ANO3: variants seen among roughly 807,000 people sequenced by gnomAD.
The protein encoded by ANO3 is anoctamin-3.
A neutral mutation model predicts 144.8 loss-of-function variants in ANO3; 99 were observed. The ratio of observed to expected loss-of-function variants is 0.68; its 90% confidence interval spans 0.58 to 0.81. The LOEUF is 0.81. ANO3 is among the 30% of genes least tolerant of loss of function. The probability of loss-of-function intolerance (pLI) is 0.00; values close to 1 mark genes in which losing one functional copy is unlikely to be tolerated. For synonymous variants in ANO3, 414 were observed against 392.6 expected (o/e 1.05, Z -0.64); for missense variants, 905 against 1,202.2 (o/e 0.75, Z 3.66).
chr11:26,632,145 T>C (rs1852802790), intron 18 of ANO3, among the ~76,000 whole-genome samples: 1 of 151,144 alleles, frequency 6.6e-6, no homozygotes, highest in South Asian at 2.1e-4. Context: ...TGAGCCAAGA[T>C]TGCCATGCTA....
chr11:26,394,722 C>A (rs1856965457), intron 1 of ANO3, among the ~76,000 whole-genome samples: 1 of 151,874 alleles, frequency 6.6e-6, no homozygotes, highest in South Asian at 2.1e-4. Flanking sequence ...GGATTAGAGG[C>A]ACACACCACC....
rs751331651 is a variant in ANO3, at chr11:26,534,570, C to T, written c.976+8C>T. 5.1e-6 allele frequency: 8 copies of T among 1,573,616 alleles called. No individual in the cohort carries two copies. The South Asian group carries it at 5.6e-5, about 11-fold the overall frequency. On this transcript the variant is annotated splice_region_variant and intron_variant, in intron 9 of 26. Coordinates refer to ENST00000256737, the MANE Select transcript of ANO3 (RefSeq NM_031418.4). ...ATGGAATATCAAAAGTGGGTAAGAA[C>T]ATTAATTAATAACAGAGTAGAACTT...
chr11:26,602,469 G>A (rs1851825331), intron 17 of ANO3, among the ~76,000 whole-genome samples: 1 of 152,114 alleles, frequency 6.6e-6, no homozygotes. Flanking sequence ...GCTCATGCCT[G>A]CAATCCCAAC....
chr11:26,223,142 G>T (rs967524145), intron 1 of ANO3, among the ~76,000 whole-genome samples: 11 of 150,386 alleles, frequency 7.3e-5, no homozygotes, highest in African/African-American at 2.5e-4. Flanking sequence ...TTGTTTTCTT[G>T]GTCCTGTATT....
chr11:26,310,456 G>T (rs1389398379), intron 1 of ANO3, among the ~76,000 whole-genome samples: 2 of 152,214 alleles, frequency 1.3e-5, no homozygotes, highest in African/African-American at 2.4e-5. Context: ...ACTTGCAGGA[G>T]AATTTTTTCA....
At position 26,655,522 on chromosome 11, in the gene ANO3, T is replaced by C. The variant is rs1011606455; in HGVS notation, c.2577-603T>C. Reference sequence around the variant, plus strand: ...TCCCATCTGGAAGAATTACTTCATTTTTATTTTCATAGCACTTACTGCATT... The same window carrying C: ...TCCCATCTGGAAGAATTACTTCATTCTTATTTTCATAGCACTTACTGCATT... On this transcript the variant is annotated intron_variant, in intron 24 of 26. Coordinates refer to ENST00000256737, the MANE Select transcript of ANO3 (RefSeq NM_031418.4). Among the ~76,000 whole-genome samples the C allele has an allele frequency of 2.6e-5, 4 of 152,186 alleles. No individual in the cohort carries two copies. The South Asian group carries it at 6.2e-4, about 24-fold the overall frequency.
chr11:26,465,154 G>C (rs1025325993), intron 4 of ANO3, among the ~76,000 whole-genome samples: 94 of 143,542 alleles, frequency 6.5e-4, no homozygotes, highest in African/African-American at 1.2e-3. Flanking sequence ...GTGTGTGTGT[G>C]TGTGTGTCTG....
chr11:26,286,723 G>C (rs755686451), intron 1 of ANO3, among the ~76,000 whole-genome samples: 5 of 152,072 alleles, frequency 3.3e-5, no homozygotes, highest in Non-Finnish European at 5.9e-5. Flanking sequence ...GGTGGGCTTT[G>C]GTCTCCATAC....
chr11:26,565,392 T>C (rs1565110132), intron 14 of ANO3: 1 of 1,613,224 alleles, frequency 6.2e-7, no homozygotes, highest in Admixed American at 1.7e-5. Flanking sequence ...TTTCACGGTG[T>C]CATTGACCAA....
At chr11:26,249,035 A>T (rs1443088199) in intron 1 of ANO3, among the ~76,000 whole-genome samples, 1 of 152,186 alleles carries the variant, frequency 6.6e-6, no homozygotes, top group Non-Finnish European at 1.5e-5. Flanking sequence ...GGTGTCAAAA[A>T]GGTTGGAGAC....
At chr11:26,434,920 G>A (rs776265486) in intron 1 of ANO3, among the ~76,000 whole-genome samples, 1 of 152,146 alleles carries the variant, frequency 6.6e-6, no homozygotes, top group Non-Finnish European at 1.5e-5. Context: ...GGAGAGTTCT[G>A]TAAAGATCTG....
At chr11:26,460,909 A>C (rs1859370419) in intron 3 of ANO3, among the ~76,000 whole-genome samples, 1 of 152,074 alleles carries the variant, frequency 6.6e-6, no homozygotes, top group South Asian at 2.1e-4. Flanking sequence ...AGACTTGGGA[A>C]AAGGAAATTG....
At chr11:26,572,717 TAGC>T (rs1850875855) in intron 14 of ANO3, among the ~76,000 whole-genome samples, 1 of 152,118 alleles carries the variant, frequency 6.6e-6, no homozygotes, top group African/African-American at 2.4e-5. Context: ...AGTGAATTAG[TAGC>T]ATATATTGGG....
At chr11:26,370,413 G>A (rs1324319398) in intron 1 of ANO3, among the ~76,000 whole-genome samples, 3 of 152,132 alleles carry the variant, frequency 2.0e-5, no homozygotes, top group African/African-American at 7.2e-5. Flanking sequence ...CCAGTCTCAG[G>A]TATGTCTTCA....
chr11:26,516,425 G>T (rs1338251854), intron 5 of ANO3, among the ~76,000 whole-genome samples: 1 of 151,780 alleles, frequency 6.6e-6, no homozygotes, highest in South Asian at 2.1e-4. Flanking sequence ...AGAAAAATTA[G>T]TGAACTAGTT....
intron 1 of ANO3, among the ~76,000 whole-genome samples, chr11:26,438,317 C>A (rs1299268136): frequency 1.3e-5 from 2 of 151,996 alleles, no homozygotes; most frequent in Non-Finnish European, 2.9e-5. Flanking sequence ...AAATTAAGAA[C>A]TTCTGCTTTT....
chr11:26,211,356 C>T (rs1851928269), intron 1 of ANO3, among the ~76,000 whole-genome samples: 1 of 152,000 alleles, frequency 6.6e-6, no homozygotes, highest in African/African-American at 2.4e-5. Flanking sequence ...ACAGCTAATG[C>T]CGTGTTTAGA....
chr11:26,625,005 A>T (rs73436304), intron 18 of ANO3, among the ~76,000 whole-genome samples: 4 of 151,824 alleles, frequency 2.6e-5, no homozygotes, highest in African/African-American at 4.8e-5. Context: ...GCTCACTGCA[A>T]GCTGCACCTC....
At chr11:26,512,211 C>G (rs1360256062) in intron 5 of ANO3, among the ~76,000 whole-genome samples, 1 of 152,184 alleles carries the variant, frequency 6.6e-6, no homozygotes, top group African/African-American at 2.4e-5. Flanking sequence ...GTTCTTTCCA[C>G]CCTGTGCTAA....
Sources: allele counts gnomAD v4.1 joint callset (sites outside exome capture counted in the v4.1 genomes callset), GRCh38; gene constraint gnomAD v4.1.1; transcripts MANE v1.5; gene names NCBI Gene and HGNC (gene_info 2026-07-23, HGNC 2026-07-21).